The following ZC3H12B variants were observed in gnomAD, a reference collection of about 807,000 sequenced individuals.
ZC3H12B encodes zinc finger CCCH-type containing 12B.
A neutral mutation model predicts 43.9 loss-of-function variants in ZC3H12B; 7 were observed. The ratio of observed to expected loss-of-function variants is 0.16; its 90% confidence interval spans 0.09 to 0.30. The LOEUF (loss-of-function observed/expected upper bound fraction) is 0.30. ZC3H12B is among the 10% of genes least tolerant of loss of function. ZC3H12B has a pLI of 1.00. For synonymous variants in ZC3H12B, 222 were observed against 241.7 expected, an observed-to-expected ratio of 0.92 and a Z score of 0.76; for missense variants, 475 against 670.2, an observed-to-expected ratio of 0.71 and a Z score of 3.22.
the ZC3H12B span, among the ~76,000 whole-genome samples, chrX:65,225,501 A>G: frequency 1.8e-5 from 2 of 112,707 alleles, no homozygotes; most frequent in African/African-American, 6.4e-5. Context: ...GTTCCTCACC[A>G]GCAATGGAGC....
chrX:65,475,941 C>T (rs977371838), intron 3 of ZC3H12B, among the ~76,000 whole-genome samples: 8 of 112,103 alleles, frequency 7.1e-5, no homozygotes, highest in African/African-American at 2.6e-4. Flanking sequence ...GACATAGAGC[C>T]AAACCAAATC....
intron 3 of ZC3H12B, among the ~76,000 whole-genome samples, chrX:65,425,894 T>C (rs148814279): frequency 1.8e-5 from 2 of 111,675 alleles, no homozygotes; most frequent in African/African-American, 6.5e-5. Flanking sequence ...TGCATTGATG[T>C]TCATCAAGCA....
chrX:65,091,192 G>C, the ZC3H12B span, among the ~76,000 whole-genome samples: 2 of 112,125 alleles, frequency 1.8e-5, no homozygotes, highest in African/African-American at 6.5e-5. Context: ...AGAAGGAGAT[G>C]TGTGATCAAA....
chrX:65,466,409 A>G lies in ZC3H12B; in HGVS notation n.408-22237A>G, dbSNP rs773724478. Among the ~76,000 whole-genome samples, 6 of 110,259 alleles carry G rather than the reference A, an allele frequency of 5.4e-5. 1 individual carries two copies. The South Asian group carries it at 2.3e-3, about 42-fold the overall frequency. ...ATCTCTCACATTATCTATATATATCATATTATTATTATTAGATAGATAAAT... is the reference window on the plus strand; with the variant it reads ...ATCTCTCACATTATCTATATATATCGTATTATTATTATTAGATAGATAAAT... On this transcript the variant is annotated intron_variant and non_coding_transcript_variant, in intron 3 of 5. Transcript: ENST00000617377.
chrX:65,354,018 G>C, the ZC3H12B span, among the ~76,000 whole-genome samples: 1 of 111,629 alleles, frequency 9.0e-6, no homozygotes, highest in Non-Finnish European at 1.9e-5. Context: ...CCTAGGGGAA[G>C]GGGCGGTTGT....
chrX:65,375,372 G>A (rs1447407003), intron 2 of ZC3H12B, among the ~76,000 whole-genome samples: 1 of 111,776 alleles, frequency 8.9e-6, no homozygotes, highest in African/African-American at 3.3e-5. Flanking sequence ...AGGACACAAG[G>A]ACCACAACTC....
chrX:65,379,362 G>A (rs986088627), intron 2 of ZC3H12B, among the ~76,000 whole-genome samples: 2 of 110,141 alleles, frequency 1.8e-5, no homozygotes, highest in Non-Finnish European at 3.8e-5. Flanking sequence ...CACCTCACAC[G>A]GCCGGGTACT....
chrX:65,340,540 G>T, the ZC3H12B span, among the ~76,000 whole-genome samples: 9 of 111,872 alleles, frequency 8.0e-5, no homozygotes, highest in Non-Finnish European at 1.5e-4. Flanking sequence ...AACAAAATTA[G>T]GGCCCAATAC....
the ZC3H12B span, among the ~76,000 whole-genome samples, chrX:65,118,999 A>G: frequency 9.0e-6 from 1 of 110,619 alleles, no homozygotes; most frequent in Non-Finnish European, 1.9e-5. Context: ...TTAGGGCTGC[A>G]TAGTATTCCA....
intron 3 of ZC3H12B, among the ~76,000 whole-genome samples, chrX:65,449,356 C>T (rs1164954632): frequency 9.0e-6 from 1 of 111,589 alleles, no homozygotes; most frequent in Admixed American, 9.5e-5. Context: ...TGGTGGTTCA[C>T]GCCTGTAATC....
chrX:65,334,446 C>A, the ZC3H12B span, among the ~76,000 whole-genome samples: 3 of 112,065 alleles, frequency 2.7e-5, no homozygotes, highest in Non-Finnish European at 5.6e-5. Context: ...TTACCAAAAA[C>A]ACATTTCACT....
the ZC3H12B span, among the ~76,000 whole-genome samples, chrX:65,286,142 G>C: frequency 9.0e-6 from 1 of 111,555 alleles, no homozygotes; most frequent in African/African-American, 3.3e-5. Context: ...ATTCACAATA[G>C]CAAAGACATG....
the ZC3H12B span, among the ~76,000 whole-genome samples, chrX:65,207,596 G>A: frequency 9.1e-6 from 1 of 109,877 alleles, no homozygotes; most frequent in African/African-American, 3.3e-5. Flanking sequence ...GAACTTTTGA[G>A]AAGTCAGGTA....
At chrX:65,229,407 G>A in the ZC3H12B span, among the ~76,000 whole-genome samples, 22 of 107,453 alleles carry the variant, frequency 2.0e-4, no homozygotes, top group African/African-American at 6.4e-4. Flanking sequence ...AGACTTAAAC[G>A]TTAGACCTAA....
the ZC3H12B span, among the ~76,000 whole-genome samples, chrX:65,203,964 G>A: frequency 5.4e-5 from 6 of 111,917 alleles, no homozygotes; most frequent in Non-Finnish European, 5.6e-5. Context: ...TGGTTCCTCC[G>A]TGTGTTCTAG....
At chrX:65,460,730 A>G (rs770421003) in intron 3 of ZC3H12B, among the ~76,000 whole-genome samples, 47 of 112,181 alleles carry the variant, frequency 4.2e-4, no homozygotes, top group Non-Finnish European at 6.8e-4. Context: ...AAAGATTTAA[A>G]TGTTAGACCT....
chrX:65,100,566 CAAAAAAAAAAAAAA>C, the ZC3H12B span, among the ~76,000 whole-genome samples: 11 of 4,533 alleles, frequency 2.4e-3, no homozygotes, highest in East Asian at 0.077. Flanking sequence ...AAAGATAAAG[CAAAAAAAAAAAAAA>C]AAAAAAAAAA....
chrX:65,445,935 A>C (rs1309584442), intron 3 of ZC3H12B, among the ~76,000 whole-genome samples: 5 of 111,543 alleles, frequency 4.5e-5, no homozygotes, highest in Non-Finnish European at 9.4e-5. Flanking sequence ...TATTGCCACC[A>C]CAGCTAAGAA....
the ZC3H12B span, among the ~76,000 whole-genome samples, chrX:65,260,109 A>G: frequency 9.0e-6 from 1 of 111,204 alleles, no homozygotes; most frequent in African/African-American, 3.3e-5. Context: ...AAAACTAGAC[A>G]TTGGGTACAG....
Sources: gnomAD v4.1 joint callset for allele counts (sites outside exome capture counted in the v4.1 genomes callset) on GRCh38, gnomAD v4.1.1 for gene constraint, MANE v1.5 for transcripts, NCBI Gene and HGNC (gene_info 2026-07-23, HGNC 2026-07-21) for gene names.